HAUS5: variants seen among roughly 807,000 people sequenced by gnomAD.
The protein encoded by HAUS5 is HAUS augmin-like complex subunit 5.
Under a neutral mutation model 94.1 loss-of-function variants are expected in HAUS5, and 67 were observed. The observed-to-expected ratio is 0.71, with a 90% CI of 0.58 to 0.87. The LOEUF is 0.87. Ranked by LOEUF, HAUS5 falls within the 40% of genes least tolerant of loss-of-function variation. The pLI, the probability that HAUS5 is intolerant of heterozygous loss-of-function variation, is 0.00. For missense variants in HAUS5, 739 were observed against 825.6 expected, an observed-to-expected ratio of 0.90 and a Z score of 1.29; for synonymous variants, 339 against 355.4, an observed-to-expected ratio of 0.95 and a Z score of 0.52.
rs1307617279 is a variant in HAUS5 at position 35,623,287 on chromosome 19, T to C, written c.*294T>C. The C allele has an allele frequency of 1.2e-5, 4 of 321,210 alleles. No homozygotes were observed. The highest frequency in any genetic ancestry group is 8.7e-5 in the African/African-American group (4 of 46,088). 19.9% of individuals were successfully genotyped at this position (321,210 alleles called of 1,614,324 possible). On this transcript the variant is annotated 3_prime_UTR_variant, in exon 19 of 19. Transcript: ENST00000203166. ...ACTGAACAAAAGAAACAGAAAACCC[T>C]GTCTTCCAGCAGTTGAGTTCTAGGG...
Position 35,620,340 on chromosome 19 carries a change from T to C in HAUS5, c.1651+13T>C. 6.2e-7 allele frequency: 1 copy of C among 1,608,092 alleles called. No individual in the cohort carries two copies. The highest frequency in any genetic ancestry group is 8.5e-7 in the Non-Finnish European group (1 of 1,177,052). On this transcript the variant is annotated intron_variant, in intron 17 of 18. Transcript: ENST00000203166. The stretch of plus-strand genomic sequence containing the variant: ...CTTCCCACCCAGGGTAGGTCTGCCC[T>C]GCCACCCCATCCAGCCTCCCCGCCC...
At chr19:35,618,241 G>T (rs748346602) in intron 10 of HAUS5, 46 bp downstream of exon 10, 17 of 1,596,738 alleles carry the variant, frequency 1.1e-5, no homozygotes, top group Non-Finnish European at 1.5e-5. Flanking sequence ...CATGTGAGTG[G>T]GTGAGCTGGG....
rs1191932717 is a variant in HAUS5, at chr19:35,625,144, TA to T, written c.*2155del. On this transcript the variant is annotated 3_prime_UTR_variant, in exon 19 of 19. Coordinates refer to ENST00000203166, the MANE Select transcript of HAUS5 (RefSeq NM_015302.2). ...AATAACACTGGCATTTTTATTTTGA[TA>T]AAATAGACCGTTTAAATTTTTGAGA... 6.6e-6 allele frequency: 1 copy of T among 152,218 alleles called. No individual in the cohort carries two copies. Among genetic ancestry groups the T allele is most frequent in the Non-Finnish European group, 1.5e-5 (1 of 68,034 alleles). 9.4% of individuals were successfully genotyped at this position (152,218 alleles called of 1,614,324 possible).
At chr19:35,615,791 G>T (rs1334743531) in intron 6 of HAUS5, among the ~76,000 whole-genome samples, 1 of 152,196 alleles carries the variant, frequency 6.6e-6, no homozygotes, top group Non-Finnish European at 1.5e-5. Flanking sequence ...AGGCCTCTGA[G>T]GAGGGGACAT....
At chr19:35,618,028 C>T (rs529567830) in intron 9 of HAUS5, 43 bp from the exon 10 acceptor site, 1 of 1,588,980 alleles carries the variant, frequency 6.3e-7, no homozygotes, top group African/African-American at 1.3e-5. Context: ...CAGCTCACAG[C>T]CCTGCCCCGA....
At chr19:35,614,204 C>A in intron 4 of HAUS5, 145 bp downstream of exon 4, 3 of 741,476 alleles carry the variant, frequency 4.0e-6, no homozygotes, top group Non-Finnish European at 7.1e-6. Context: ...GGCTTAAAGT[C>A]CAGTGGAAAC....
chr19:35,616,621 G>A (rs564323356), intron 6 of HAUS5, among the ~76,000 whole-genome samples: 52 of 152,126 alleles, frequency 3.4e-4, no homozygotes, highest in African/African-American at 1.2e-3. Context: ...GGGTTCAAGC[G>A]ATTCTCCTGC....
chr19:35,616,087 C>G (rs1373773097), intron 6 of HAUS5, among the ~76,000 whole-genome samples: 1 of 152,026 alleles, frequency 6.6e-6, no homozygotes, highest in Non-Finnish European at 1.5e-5. Flanking sequence ...GAGGCCGAGG[C>G]AGGCGGATTA....
Position 35,615,281 on chromosome 19 carries a change from T to C in HAUS5, c.380T>C (p.Leu127Pro). 2 of 1,613,822 alleles carry C rather than the reference T, an allele frequency of 1.2e-6. No homozygotes were observed. The highest frequency in any genetic ancestry group is 1.7e-6 in the Non-Finnish European group (2 of 1,179,910). Residue 127 changes from leucine (L) to proline (P), a missense_variant, in exon 6 of 19, where the codon CTC becomes CCC. Physicochemically the swap from Leu to Pro is moderately conservative, Grantham distance 98 (BLOSUM62 -3). Transcript: ENST00000203166. ...ACTCAAGACACCCAGCGTCGAGCTC[T>C]CCTCCTCCGGGCCCAAGCTGGGGCC... ...QHTQDTQRRA[L>P]LLRAQAGAMR... is the part of the protein sequence containing the mutation.
rs1329721054 is a variant in HAUS5, at chr19:35,613,716, C to T, written c.99-14C>T. The T allele has an allele frequency of 6.2e-7, 1 of 1,612,658 alleles. No homozygotes were observed. The highest frequency in any genetic ancestry group is 8.5e-7 in the Non-Finnish European group (1 of 1,178,950). On this transcript the variant is annotated splice_polypyrimidine_tract_variant and intron_variant, in intron 1 of 18. Transcript: ENST00000203166. ...GTGCTGCCCCAGGCATATGCTTACA[C>T]ACTGTCCCCACAGGCTGTGTCTGGG...
chr19:35,618,565 G>A lies in HAUS5; in HGVS notation c.886-4G>A, dbSNP rs200990014. 6.2e-7 allele frequency: 1 copy of A among 1,605,120 alleles called. No homozygotes were observed. Among genetic ancestry groups the A allele is most frequent in the East Asian group, 2.2e-5 (1 of 44,650 alleles). ...TGTACCCTGATTCTGTACCCCGCTT[G>A]CAGGAGGGCTGGCGGACTGTGGGTG... On this transcript the variant is annotated splice_polypyrimidine_tract_variant and splice_region_variant and intron_variant, in intron 11 of 18. Coordinates refer to ENST00000203166, the MANE Select transcript of HAUS5 (RefSeq NM_015302.2).
At position 35,618,673 on chromosome 19, in the gene HAUS5, G is replaced by A. The variant is rs1482206617; in HGVS notation, c.990G>A (p.Glu330=). The A allele has an allele frequency of 1.9e-6, 3 of 1,603,848 alleles. No individual in the cohort carries two copies. Among genetic ancestry groups the A allele is most frequent in the South Asian group, 1.1e-5 (1 of 90,474 alleles). Residue 330 remains glutamate, a synonymous_variant, in exon 12 of 19, where the codon GAG becomes GAA. Transcript: ENST00000203166. ...TCCAGGGCCTGGTGGAGGAGGTGGA[G>A]AGACGCGTCCTGGGATCCAGTGAGA... ...QRLQGLVEEV[E]RRVLGSSERQ...
rs747437680 is a variant in HAUS5 at position 35,617,382 on chromosome 19, A to C, written c.638+13A>C. 1.3e-6 allele frequency: 2 copies of C among 1,585,636 alleles called. No homozygotes were observed. Among genetic ancestry groups the C allele is most frequent in the East Asian group, 4.5e-5 (2 of 44,730 alleles). On this transcript the variant is annotated intron_variant, in intron 8 of 18. Transcript: ENST00000203166. ...GGGGCAGCCTCCCGTGAGTGTCCCT[A>C]GCCCCCAGAGACCCTGTAAAGACCC...
chr19:35,618,513 C>A, intron 11 of HAUS5, 48 bp downstream of exon 11: 1 of 1,609,646 alleles, frequency 6.2e-7, no homozygotes, highest in South Asian at 1.1e-5. Flanking sequence ...CTTCCTTAAT[C>A]CCCTCACCCA....
intron 17 of HAUS5, 123 bp from the exon 18 acceptor site, chr19:35,622,478 C>T (rs757368477): frequency 2.1e-6 from 2 of 969,952 alleles, no homozygotes; most frequent in Non-Finnish European, 1.6e-6. Flanking sequence ...GAGACAGACT[C>T]ATCATTGGTT....
intron 3 of HAUS5, 48 bp from the exon 4 acceptor site, chr19:35,613,987 C>T: frequency 1.2e-6 from 2 of 1,610,784 alleles, no homozygotes; most frequent in Non-Finnish European, 1.7e-6. Context: ...TATTGCCCTC[C>T]CCCCTAGAAG....
intron 2 of HAUS5, 27 bp downstream of exon 2, chr19:35,613,819 G>A (rs752215936): frequency 8.1e-6 from 13 of 1,613,996 alleles, no homozygotes; most frequent in East Asian, 4.5e-5. Context: ...CAGGGGAGGG[G>A]GCACAGGTGA....
At chr19:35,620,424 GC>G in intron 17 of HAUS5, 97 bp downstream of exon 17, 1 of 1,124,508 alleles carries the variant, frequency 8.9e-7, no homozygotes. Context: ...TTTACGCAGT[GC>G]CCATTGTGTG....
intron 6 of HAUS5, among the ~76,000 whole-genome samples, chr19:35,616,754 G>T (rs946101473): frequency 6.6e-6 from 1 of 152,188 alleles, no homozygotes; most frequent in African/African-American, 2.4e-5. Context: ...CTGACCTCAA[G>T]TGATCCACCT....
Sources: allele counts gnomAD v4.1 joint callset (sites outside exome capture counted in the v4.1 genomes callset), GRCh38; gene constraint gnomAD v4.1.1; transcripts MANE v1.5; gene names NCBI Gene and HGNC (gene_info 2026-07-23, HGNC 2026-07-21).